PSD3: variants seen among roughly 807,000 people sequenced by gnomAD.
PSD3 encodes the protein PH and SEC7 domain-containing protein 3.
In PSD3, 49 loss-of-function variants were observed where a neutral mutation model predicts 105.5. That is an observed-to-expected ratio of 0.46 (90% confidence interval 0.37 to 0.59). The LOEUF is 0.59. PSD3 is among the 20% of genes least tolerant of loss of function. The pLI, the probability that PSD3 is intolerant of heterozygous loss-of-function variation, is 0.00. For synonymous variants in PSD3, 557 were observed against 457.8 expected, an observed-to-expected ratio of 1.22 and a Z score of -2.77; for missense variants, 1,561 against 1,263.8, an observed-to-expected ratio of 1.24 and a Z score of -3.57.
At chr8:18,752,518 T>TTG in intron 9 of PSD3, among the ~76,000 whole-genome samples, 1 of 66,560 alleles carries the variant, frequency 1.5e-5, no homozygotes, top group African/African-American at 9.9e-5. Flanking sequence ...ATAATATATG[T>TTG]AATATATATA....
chr8:18,574,208 A>T (rs2634427), intron 13 of PSD3, among the ~76,000 whole-genome samples: 82,516 of 152,012 alleles, frequency 0.54, 22,512 homozygotes, highest in South Asian at 0.62. Flanking sequence ...CTCTGAGAGA[A>T]ACCACACAAA....
intron 1 of PSD3, among the ~76,000 whole-genome samples, chr8:19,020,826 C>T (rs60820465): frequency 0.096 from 14,525 of 152,030 alleles, 875 homozygotes; most frequent in Non-Finnish European, 0.14. Context: ...GACTGAACTA[C>T]CAGAAAAATG....
At chr8:18,908,561 T>G (rs1463542912) in intron 2 of PSD3, among the ~76,000 whole-genome samples, 1 of 152,178 alleles carries the variant, frequency 6.6e-6, no homozygotes. Flanking sequence ...GATAACCACA[T>G]ATCCCTGACT....
intron 2 of PSD3, among the ~76,000 whole-genome samples, chr8:18,890,720 A>G (rs1818732255): frequency 6.6e-6 from 1 of 152,088 alleles, no homozygotes; most frequent in South Asian, 2.1e-4. Context: ...ACAGATGAAC[A>G]AAGTAGCTAA....
chr8:18,919,659 C>T (rs1017760981), intron 2 of PSD3, among the ~76,000 whole-genome samples: 8 of 151,906 alleles, frequency 5.3e-5, no homozygotes, highest in African/African-American at 1.2e-4. Context: ...CACTTCCCTG[C>T]GCAATACAAA....
chr8:18,876,141 G>A (rs953473617), intron 2 of PSD3, among the ~76,000 whole-genome samples: 3 of 151,874 alleles, frequency 2.0e-5, no homozygotes, highest in Non-Finnish European at 4.4e-5. Context: ...TTCCCAGGCT[G>A]GTCTCAAACT....
chr8:18,864,011 C>CA (rs368999512), intron 4 of PSD3, among the ~76,000 whole-genome samples: 7,081 of 147,594 alleles, frequency 0.048, 198 homozygotes, highest in Admixed American at 0.087. Flanking sequence ...ATCCTGTGCT[C>CA]AAAAAAAAAA....
chr8:18,538,985 C>G (rs1799992565), intron 15 of PSD3, among the ~76,000 whole-genome samples: 1 of 152,176 alleles, frequency 6.6e-6, no homozygotes, highest in Non-Finnish European at 1.5e-5. Flanking sequence ...GATGAGTTTG[C>G]AAACGCCGTG....
chr8:18,582,814 ATCTTTTTTTTTTTT>A (rs1028336001), intron 12 of PSD3, among the ~76,000 whole-genome samples: 4 of 76,930 alleles, frequency 5.2e-5, no homozygotes, highest in African/African-American at 2.0e-4. Flanking sequence ...AGCCACACTG[ATCTTTTTTTTTTTT>A]TTTTTTTTTT....
At chr8:18,571,221 C>T (rs1481470626) in intron 14 of PSD3, among the ~76,000 whole-genome samples, 1 of 152,142 alleles carries the variant, frequency 6.6e-6, no homozygotes, top group Non-Finnish European at 1.5e-5. Context: ...CTACACACGA[C>T]AAACAAGGCC....
At chr8:18,802,744 C>T (rs1368178003) in intron 6 of PSD3, among the ~76,000 whole-genome samples, 1 of 152,154 alleles carries the variant, frequency 6.6e-6, no homozygotes, top group Non-Finnish European at 1.5e-5. Flanking sequence ...TCTCAGAATT[C>T]TTCCAGACAT....
intron 4 of PSD3, among the ~76,000 whole-genome samples, chr8:18,841,561 G>C (rs148132488): frequency 6.6e-6 from 1 of 152,158 alleles, no homozygotes; most frequent in African/African-American, 2.4e-5. Flanking sequence ...TCATGTGGAA[G>C]AGCAGGCATT....
In PSD3 at chr8:18,684,122, C is replaced by CTGATTGTT. The variant is rs1267722736; in HGVS notation, c.2173-28445_2173-28438dup. On this transcript the variant is annotated intron_variant, in intron 9 of 15. Coordinates refer to ENST00000327040, the MANE Select transcript of PSD3 (RefSeq NM_015310.4). ...TTCAACTACCCTGTTTGCAGCGAGT[C>CTGATTGTT]TGATTGTTCCAGGCACAGCTCACGT... 9.6e-5 allele frequency: 49 copies of CTGATTGTT among 508,094 alleles called. No homozygotes were observed. The East Asian group carries it at 1.5e-3, about 16-fold the overall frequency. The allele number at this position is 508,094 out of a possible 1,614,324, so 31.5% of individuals were successfully genotyped here.
chr8:18,959,185 T>C (rs13282663), intron 1 of PSD3, among the ~76,000 whole-genome samples: 22,143 of 152,212 alleles, frequency 0.15, 1,763 homozygotes, highest in East Asian at 0.27. Context: ...CCTCCCAAAG[T>C]GCTGGGATTA....
At chr8:18,802,774 T>C (rs1390244039) in intron 6 of PSD3, among the ~76,000 whole-genome samples, 9 of 152,178 alleles carry the variant, frequency 5.9e-5, no homozygotes, top group Non-Finnish European at 1.0e-4. Context: ...ATAAATAGTG[T>C]TGAAAATTAA....
intron 9 of PSD3, among the ~76,000 whole-genome samples, chr8:18,657,633 G>A (rs1808998830): frequency 6.6e-6 from 1 of 151,488 alleles, no homozygotes; most frequent in South Asian, 2.1e-4. Context: ...GTATCAGGAG[G>A]CTGAACACCT....
chr8:18,799,892 A>T (rs768979765), intron 7 of PSD3, among the ~76,000 whole-genome samples: 1 of 152,190 alleles, frequency 6.6e-6, no homozygotes, highest in Non-Finnish European at 1.5e-5. Context: ...GCAGTTTCAG[A>T]TGCAGTAAAA....
Position 18,528,929 on chromosome 8 carries a change from T to C in PSD3, c.*6814A>G, listed in dbSNP as rs945519705. 1 of 152,392 alleles carries C rather than the reference T, an allele frequency of 6.6e-6. No individual in the cohort carries two copies. Among genetic ancestry groups the C allele is most frequent in the Non-Finnish European group, 1.5e-5 (1 of 68,050 alleles). The allele number at this position is 152,392 out of a possible 1,614,324, so 9.4% of individuals were successfully genotyped here. On this transcript the variant is annotated 3_prime_UTR_variant, in exon 16 of 16. Coordinates refer to ENST00000327040, the MANE Select transcript of PSD3 (RefSeq NM_015310.4). Reference sequence around the variant, plus strand: ...TTTCCATCCTCGCTGTTGTTGCTGATGGAAAAGTGCTCAACTGCTCAGCAT... The same window carrying C: ...TTTCCATCCTCGCTGTTGTTGCTGACGGAAAAGTGCTCAACTGCTCAGCAT...
chr8:18,561,124 G>A (rs1282889972), intron 14 of PSD3, among the ~76,000 whole-genome samples: 1 of 152,186 alleles, frequency 6.6e-6, no homozygotes, highest in African/African-American at 2.4e-5. Context: ...ATCTCAAAAA[G>A]ATGTGGCATT....
Sources: allele counts gnomAD v4.1 joint callset (sites outside exome capture counted in the v4.1 genomes callset), GRCh38; gene constraint gnomAD v4.1.1; transcripts MANE v1.5; gene names NCBI Gene and HGNC (gene_info 2026-07-23, HGNC 2026-07-21).